The following CAST variants were observed in gnomAD, a reference collection of about 807,000 sequenced individuals.
CAST encodes calpastatin.
Under a neutral mutation model 119.6 loss-of-function variants are expected in CAST, and 76 were observed. The ratio of observed to expected loss-of-function variants is 0.64; its 90% CI spans 0.53 to 0.77. The LOEUF is 0.77. CAST is among the 30% of genes least tolerant of loss of function. The pLI is 0.00. For missense variants in CAST, 953 were observed against 946.5 expected, an observed-to-expected ratio of 1.01 and a Z score of -0.09; for synonymous variants, 319 against 331.6, an observed-to-expected ratio of 0.96 and a Z score of 0.41.
At chr5:96,655,207 T>G (rs187921747) in intron 1 of CAST, among the ~76,000 whole-genome samples, 1 of 152,330 alleles carries the variant, frequency 6.6e-6, no homozygotes, top group African/African-American at 2.4e-5. Flanking sequence ...AAACATGTCC[T>G]GCTACTTGAA....
chr5:96,474,053 C>A, the CAST span, among the ~76,000 whole-genome samples: 1 of 152,070 alleles, frequency 6.6e-6, no homozygotes, highest in Non-Finnish European at 1.5e-5. Context: ...TGAGATGAAG[C>A]AGGGGAGGAA....
At chr5:96,141,277 C>A in the CAST span, among the ~76,000 whole-genome samples, 7 of 152,100 alleles carry the variant, frequency 4.6e-5, no homozygotes, top group Non-Finnish European at 8.8e-5. Flanking sequence ...GGAGACTTTA[C>A]AACAAACATC....
At chr5:96,611,507 T>G (rs1188237905) in intron 1 of CAST, among the ~76,000 whole-genome samples, 1 of 152,170 alleles carries the variant, frequency 6.6e-6, no homozygotes, top group Non-Finnish European at 1.5e-5. Flanking sequence ...ATTAAAATAC[T>G]ACAAGAAAGC....
rs75277167 is a variant in CAST at position 96,692,606 on chromosome 5, A to G, written c.139-3230A>G. ...CTTGCACGTGCTGCCCTGTCTACCTAGAATGCCTCCTTTCCCTCATCCCAT... is the reference window on the plus strand; with the variant it reads ...CTTGCACGTGCTGCCCTGTCTACCTGGAATGCCTCCTTTCCCTCATCCCAT... On this transcript the variant is annotated intron_variant, in intron 2 of 31. Transcript: ENST00000675179. 9.3e-3 allele frequency among the ~76,000 whole-genome samples: 1,413 copies of G among 152,170 alleles called. 25 individuals carry two copies. Among genetic ancestry groups the G allele is most frequent in the African/African-American group, 0.032 (1,316 of 41,494 alleles).
chr5:96,268,354 C>G, the CAST span, among the ~76,000 whole-genome samples: 1 of 152,122 alleles, frequency 6.6e-6, no homozygotes, highest in African/African-American at 2.4e-5. Context: ...GGGAGAATTG[C>G]CTGAGGCAAG....
intron 1 of CAST, among the ~76,000 whole-genome samples, chr5:96,561,786 G>GGTTTTTTGTTTTTTT (rs1189100090): frequency 9.5e-6 from 1 of 105,432 alleles, no homozygotes; most frequent in Non-Finnish European, 1.9e-5. Context: ...TTATATATAT[G>GGTTTTTTGTTTTTTT]TTTTTTTTTG....
At chr5:96,027,854 C>T in the CAST span, among the ~76,000 whole-genome samples, 3 of 151,972 alleles carry the variant, frequency 2.0e-5, no homozygotes, top group African/African-American at 7.2e-5. Context: ...AACTTCATAA[C>T]CCAGACAACA....
the CAST span, among the ~76,000 whole-genome samples, chr5:96,201,638 A>G: frequency 0.041 from 6,231 of 152,086 alleles, 455 homozygotes; most frequent in African/African-American, 0.14. Context: ...CATTTCAAAC[A>G]CCTCGTAATC....
At chr5:96,751,295 C>G (rs927580002) in intron 20 of CAST, among the ~76,000 whole-genome samples, 1 of 152,124 alleles carries the variant, frequency 6.6e-6, no homozygotes, top group Non-Finnish European at 1.5e-5. Context: ...TTCATTACTA[C>G]AGAATTAGCA....
At chr5:96,627,785 G>A (rs1747751384) in intron 1 of CAST, among the ~76,000 whole-genome samples, 3 of 152,164 alleles carry the variant, frequency 2.0e-5, no homozygotes, top group Admixed American at 1.3e-4. Context: ...CACGTCCCTT[G>A]GAAACTACTG....
the CAST span, among the ~76,000 whole-genome samples, chr5:96,234,042 C>T: frequency 6.6e-6 from 1 of 152,228 alleles, no homozygotes; most frequent in East Asian, 1.9e-4. Context: ...GATTTCCCTG[C>T]TTCAGAAGTG....
chr5:96,469,588 T>C, the CAST span, among the ~76,000 whole-genome samples: 31 of 151,960 alleles, frequency 2.0e-4, no homozygotes, highest in Non-Finnish European at 4.6e-4. Flanking sequence ...CAAACTGACA[T>C]GAGAATTCCC....
chr5:96,187,769 C>G, the CAST span, among the ~76,000 whole-genome samples: 1 of 152,136 alleles, frequency 6.6e-6, no homozygotes, highest in African/African-American at 2.4e-5. Context: ...TCGAGGCTAC[C>G]GAGCTTAAAA....
the CAST span, among the ~76,000 whole-genome samples, chr5:96,144,090 A>G: frequency 6.6e-6 from 1 of 152,242 alleles, no homozygotes; most frequent in African/African-American, 2.4e-5. Flanking sequence ...GCAGTAAAAC[A>G]TAATTAGGTG....
At chr5:96,307,049 G>A in the CAST span, among the ~76,000 whole-genome samples, 2 of 152,150 alleles carry the variant, frequency 1.3e-5, no homozygotes, top group Non-Finnish European at 2.9e-5. Context: ...TAACAGTGGG[G>A]TGTTAAAGTC....
At chr5:96,168,895 T>C in the CAST span, among the ~76,000 whole-genome samples, 1 of 152,098 alleles carries the variant, frequency 6.6e-6, no homozygotes, top group African/African-American at 2.4e-5. Context: ...TTGAAAGTTA[T>C]GAGAATTGTA....
At chr5:96,245,753 G>A in the CAST span, among the ~76,000 whole-genome samples, 3 of 152,112 alleles carry the variant, frequency 2.0e-5, no homozygotes, top group Non-Finnish European at 4.4e-5. Context: ...ATTAGTTTTA[G>A]TTTAAAGACT....
the CAST span, among the ~76,000 whole-genome samples, chr5:96,405,561 C>T: frequency 6.6e-6 from 1 of 152,160 alleles, no homozygotes; most frequent in Non-Finnish European, 1.5e-5. Context: ...ATCCCAGCTA[C>T]TCAGGAGGCT....
the CAST span, among the ~76,000 whole-genome samples, chr5:96,287,820 T>A: frequency 2.0e-5 from 3 of 151,918 alleles, no homozygotes; most frequent in Non-Finnish European, 4.4e-5. Flanking sequence ...ATATGTTGTC[T>A]CATGACAGAG....
Sources: gnomAD v4.1 joint callset for allele counts (sites outside exome capture counted in the v4.1 genomes callset) on GRCh38, gnomAD v4.1.1 for gene constraint, MANE v1.5 for transcripts, NCBI Gene and HGNC (gene_info 2026-07-23, HGNC 2026-07-21) for gene names.